RAB18: variants seen among roughly 807,000 people sequenced by gnomAD.
RAB18 encodes the protein RAB18, member RAS oncogene family.
In RAB18, 10 loss-of-function variants were observed where a neutral mutation model predicts 28.5. That is an observed-to-expected ratio of 0.35 (90% confidence interval 0.22 to 0.60). The LOEUF (loss-of-function observed/expected upper bound fraction) is 0.60. Among genes scored for constraint, RAB18 ranks in the 20% least tolerant of loss-of-function variants. RAB18 has a pLI of 0.78. For synonymous variants in RAB18, 93 were observed against 86.9 expected (o/e 1.07, Z -0.39); for missense variants, 188 against 244.2 (o/e 0.77, Z 1.53).
At position 27,538,123 on chromosome 10, in the gene RAB18, G is replaced by T; in HGVS notation, c.*72G>T. 17 of 1,579,374 alleles carry T rather than the reference G, an allele frequency of 1.1e-5. No homozygotes were observed. The highest frequency in any genetic ancestry group is 1.4e-5 in the Non-Finnish European group (16 of 1,149,230). ...CTTTCTGTATATAAACTCTTTAACT[G>T]CTATTTTAGGGACCTTGCAGTTTGC... is the stretch of plus-strand genomic sequence containing the variant. On this transcript the variant is annotated 3_prime_UTR_variant, in exon 7 of 7. Coordinates refer to ENST00000356940, the MANE Select transcript of RAB18 (RefSeq NM_021252.5).
intron 3 of RAB18, chr10:27,531,539 A>C: frequency 6.7e-7 from 1 of 1,496,198 alleles, no homozygotes; most frequent in South Asian, 1.2e-5. Flanking sequence ...GTTACTTTGC[A>C]TCAGCAGACT....
chr10:27,538,503 A>G lies in RAB18; in HGVS notation c.*452A>G. 4.4e-6 allele frequency: 2 copies of G among 454,710 alleles called. No homozygotes were observed. Among genetic ancestry groups the G allele is most frequent in the South Asian group, 3.1e-5 (2 of 64,480 alleles). 28.2% of individuals were successfully genotyped at this position (454,710 alleles called of 1,614,324 possible). A position where few individuals can be genotyped will look rare whatever the true frequency, so the allele number is the denominator to read the frequency against. ...TTTTCTTTCAGGAATAATAAAGAGC[A>G]TGATTCCACAGCTTTTCTGGGATGT... On this transcript the variant is annotated 3_prime_UTR_variant, in exon 7 of 7. Coordinates refer to ENST00000356940, the MANE Select transcript of RAB18 (RefSeq NM_021252.5).
At position 27,541,672 on chromosome 10, in the gene RAB18, A is replaced by T; in HGVS notation, c.*3621A>T. 2.2e-6 allele frequency: 1 copy of T among 447,286 alleles called. No homozygotes were observed. The highest frequency in any genetic ancestry group is 2.4e-5 in the Admixed American group (1 of 41,060). The allele number at this position is 447,286 out of a possible 1,614,324, so 27.7% of individuals were successfully genotyped here. A position where few individuals can be genotyped will look rare whatever the true frequency, so the allele number is the denominator to read the frequency against. Reference sequence around the variant, plus strand: ...TTCCTCTTTTTTAACCGGAGAAGCAACAAATTACGTAGTTTTTTTTGTGTT... The same window carrying T: ...TTCCTCTTTTTTAACCGGAGAAGCATCAAATTACGTAGTTTTTTTTGTGTT... On this transcript the variant is annotated 3_prime_UTR_variant, in exon 7 of 7. Transcript: ENST00000356940.
intron 3 of RAB18, among the ~76,000 whole-genome samples, chr10:27,530,689 A>G (rs1036943635): frequency 3.9e-5 from 6 of 151,906 alleles, no homozygotes; most frequent in Non-Finnish European, 8.8e-5. Flanking sequence ...CTAGTTTCTT[A>G]TTATATATAT....
At position 27,531,651 on chromosome 10, in the gene RAB18, T is replaced by C. The variant is rs1008357327; in HGVS notation, c.187-856T>C. The C allele has an allele frequency of 2.7e-5, 20 of 743,302 alleles. No homozygotes were observed. The African/African-American group carries it at 3.3e-4, about 12-fold the overall frequency. The allele number at this position is 743,302 out of a possible 1,614,324, so 46.0% of individuals were successfully genotyped here. On this transcript the variant is annotated intron_variant, in intron 3 of 6. Transcript: ENST00000356940. ...AGGCCTGCTGTGTTTCAATAAAACT[T>C]TATTTAATAAAACAGGTGGTGGGCT...
chr10:27,504,765 G>A (rs1837771309), intron 1 of RAB18: 1 of 580,970 alleles, frequency 1.7e-6, no homozygotes, highest in East Asian at 4.0e-5. Flanking sequence ...GCTGGTTTGG[G>A]CCCGAATCCG....
intron 1 of RAB18, among the ~76,000 whole-genome samples, chr10:27,507,937 G>A (rs1296097176): frequency 6.6e-6 from 1 of 151,672 alleles, no homozygotes; most frequent in African/African-American, 2.4e-5. Flanking sequence ...CAGTTACTTG[G>A]GGGGCTAAGG....
At chr10:27,505,528 G>C (rs546115304) in intron 1 of RAB18, among the ~76,000 whole-genome samples, 43 of 152,176 alleles carry the variant, frequency 2.8e-4, no homozygotes, top group Admixed American at 1.6e-3. Context: ...GAATTTGAAA[G>C]CTTATGTAAT....
intron 2 of RAB18, among the ~76,000 whole-genome samples, chr10:27,523,855 G>A (rs1481686442): frequency 2.0e-5 from 3 of 151,842 alleles, no homozygotes; most frequent in East Asian, 3.9e-4. Flanking sequence ...CGAGGCGGGC[G>A]GATCACGAGG....
intron 3 of RAB18, among the ~76,000 whole-genome samples, chr10:27,532,026 C>T (rs1339799316): frequency 2.0e-5 from 3 of 151,700 alleles, no homozygotes; most frequent in Non-Finnish European, 4.4e-5. Context: ...TAAAAGAGCC[C>T]AACCTAAAAA....
chr10:27,505,591 C>G (rs1375147346), intron 1 of RAB18, among the ~76,000 whole-genome samples: 1 of 152,296 alleles, frequency 6.6e-6, no homozygotes, highest in East Asian at 1.9e-4. Context: ...GACGGAGTCT[C>G]GCTCTGTTGC....
chr10:27,504,343 C>T lies in RAB18; in HGVS notation c.-27C>T, dbSNP rs755540746. 3.2e-6 allele frequency: 5 copies of T among 1,565,610 alleles called. No homozygotes were observed. The highest frequency in any genetic ancestry group is 3.8e-5 in the Admixed American group (2 of 52,068). On this transcript the variant is annotated 5_prime_UTR_variant, in exon 1 of 7. Coordinates refer to ENST00000356940, the MANE Select transcript of RAB18 (RefSeq NM_021252.5). ...CTGAGAGGCGCACCCGGGCGGCCAGCTGGGCTCGGAGCGGAACGGGGTCAG... is the reference window on the plus strand; with the variant it reads ...CTGAGAGGCGCACCCGGGCGGCCAGTTGGGCTCGGAGCGGAACGGGGTCAG...
In RAB18 at chr10:27,541,726, T is replaced by C; in HGVS notation, c.*3675T>C. On this transcript the variant is annotated 3_prime_UTR_variant, in exon 7 of 7. Coordinates refer to ENST00000356940, the MANE Select transcript of RAB18 (RefSeq NM_021252.5). ...TTGATTACTAGTGAGCTTGAGTACT[T>C]TTAATATTTTATTGGATATGTTTGT... 1 of 452,702 alleles carries C rather than the reference T, an allele frequency of 2.2e-6. No homozygotes were observed. Among genetic ancestry groups the C allele is most frequent in the South Asian group, 1.6e-5 (1 of 64,202 alleles). 28.0% of individuals were successfully genotyped at this position (452,702 alleles called of 1,614,324 possible).
intron 2 of RAB18, among the ~76,000 whole-genome samples, chr10:27,519,499 C>A (rs1834504658): frequency 1.3e-5 from 2 of 151,846 alleles, no homozygotes; most frequent in South Asian, 4.1e-4. Flanking sequence ...AATACAAAAT[C>A]CATATTTATA....
At chr10:27,510,406 A>G (rs926607001) in intron 2 of RAB18, 7 of 178,280 alleles carry the variant, frequency 3.9e-5, no homozygotes, top group African/African-American at 1.7e-4. Flanking sequence ...ATATGTATTG[A>G]TACTAGTTAT....
rs570275218 is a variant in RAB18, at chr10:27,530,728, CTT to C, written c.187-1776_187-1775del. ...CAATTGCTTCCTAAAAGTGGTGACA[CTT>C]TTACTGATACACATAGTAATCATTT... On this transcript the variant is annotated intron_variant, in intron 3 of 6. Coordinates refer to ENST00000356940, the MANE Select transcript of RAB18 (RefSeq NM_021252.5). Among the ~76,000 whole-genome samples the C allele has an allele frequency of 1.2e-4, 18 of 151,960 alleles. No homozygotes were observed. In the East Asian group the frequency reaches 3.5e-3, roughly 29 times the overall value.
intron 2 of RAB18, among the ~76,000 whole-genome samples, chr10:27,519,198 T>C (rs900068827): frequency 1.3e-5 from 2 of 151,606 alleles, no homozygotes; most frequent in African/African-American, 2.4e-5. Context: ...AAAAGAAATA[T>C]CACGTAATCA....
rs1835003528 is a variant in RAB18, at chr10:27,540,589, T to G, written c.*2538T>G. Reference sequence around the variant, plus strand: ...TGACATAAAAGTTAAGGTAGTGGAGTAGGTGGTCTTATTTCTTTCACCTGC... The same window carrying G: ...TGACATAAAAGTTAAGGTAGTGGAGGAGGTGGTCTTATTTCTTTCACCTGC... On this transcript the variant is annotated 3_prime_UTR_variant, in exon 7 of 7. Transcript: ENST00000356940. 1 of 453,870 alleles carries G rather than the reference T, an allele frequency of 2.2e-6. No homozygotes were observed. Among genetic ancestry groups the G allele is most frequent in the Admixed American group, 2.4e-5 (1 of 42,548 alleles). 28.1% of individuals were successfully genotyped at this position (453,870 alleles called of 1,614,324 possible).
intron 4 of RAB18, 108 bp from the exon 5 acceptor site, chr10:27,533,627 A>G: frequency 1.5e-6 from 2 of 1,327,992 alleles, no homozygotes; most frequent in South Asian, 2.6e-5. Flanking sequence ...CAATAAAAAA[A>G]AGACTTGTCT....
Sources: gnomAD v4.1 joint callset for allele counts (sites outside exome capture counted in the v4.1 genomes callset) on GRCh38, gnomAD v4.1.1 for gene constraint, MANE v1.5 for transcripts, NCBI Gene and HGNC (gene_info 2026-07-23, HGNC 2026-07-21) for gene names.